PLEKHH3: variants seen among roughly 807,000 people sequenced by gnomAD.
PLEKHH3 encodes the protein pleckstrin homology, MyTH4 and FERM domain containing H3.
Under a neutral mutation model 77.8 loss-of-function variants are expected in PLEKHH3, and 57 were observed. The ratio of observed to expected loss-of-function variants is 0.73; its 90% CI spans 0.59 to 0.91. PLEKHH3 has a LOEUF of 0.91. Among genes scored for constraint, PLEKHH3 ranks in the 40% least tolerant of loss-of-function variants. The pLI is 0.00. For synonymous variants in PLEKHH3, 467 were observed against 504.8 expected, an observed-to-expected ratio of 0.93 and a Z score of 1.00; for missense variants, 1,082 against 1,091.2, an observed-to-expected ratio of 0.99 and a Z score of 0.12.
Position 42,673,669 on chromosome 17 carries a change from C to T in PLEKHH3, c.464G>A (p.Gly155Asp). ...LVLTSLCSVT[G>D]PERRRKETGL... ...TGTCTCCTTACGCCTGCGCTCTGGG[C>T]CGGTCACCGAGCACAGGCTGGTGAG... Residue 155 changes from glycine to aspartate, a missense_variant, in exon 4 of 13, where the codon GGC becomes GAC. This residue lies in a region of PLEKHH3 where 344 missense variants were observed against 320.8 expected (regional missense o/e 1.07). Transcript: ENST00000591022. 6.2e-7 allele frequency: 1 copy of T among 1,602,508 alleles called. No homozygotes were observed. Among genetic ancestry groups the T allele is most frequent in the East Asian group, 2.2e-5 (1 of 44,860 alleles).
chr17:42,670,469 A>C, intron 10 of PLEKHH3, 93 bp from the exon 11 acceptor site: 2 of 1,516,972 alleles, frequency 1.3e-6, no homozygotes, highest in Non-Finnish European at 1.8e-6. Flanking sequence ...GGTTCCAGTC[A>C]AGCCTCCCGC....
In PLEKHH3 at chr17:42,676,173, C is replaced by G; in HGVS notation, c.162+229G>C. 1.5e-6 allele frequency: 2 copies of G among 1,377,726 alleles called. No homozygotes were observed. Among genetic ancestry groups the G allele is most frequent in the Non-Finnish European group, 1.9e-6 (2 of 1,062,440 alleles). The allele number at this position is 1,377,726 out of a possible 1,614,324, so 85.3% of individuals were successfully genotyped here. Reference sequence around the variant, plus strand: ...GCGTGACGCCTCCCCTGCCTCAGGGCCCCCAGCAGGTGGATAGCGCCCAGC... The same window carrying G: ...GCGTGACGCCTCCCCTGCCTCAGGGGCCCCAGCAGGTGGATAGCGCCCAGC... On this transcript the variant is annotated intron_variant, in intron 1 of 12. Coordinates refer to ENST00000591022, the MANE Select transcript of PLEKHH3 (RefSeq NM_024927.5). This position sits in a 1 kb window ranked among gnomAD's most constrained non-coding sequence, Gnocchi z 6.6.
At position 42,670,308 on chromosome 17, in the gene PLEKHH3, C is replaced by T. The variant is rs1382378462; in HGVS notation, c.1623G>A (p.Leu541=). The change falls in exon 11 of 13, where the codon CTG becomes CTA. Residue 541 remains leucine (L), a synonymous_variant. Transcript: ENST00000591022. The part of the protein sequence containing the change: ...PDDTLRALAA[L]RLQSLQRDFS... The stretch of plus-strand genomic sequence containing the variant: ...AGTCCCGCTGCAGGCTCTGCAGGCG[C>T]AGCGCCGCCAGGGCGCGCAGCGTGT... 7 of 1,377,718 alleles carry T rather than the reference C, an allele frequency of 5.1e-6. No homozygotes were observed. In the African/African-American group the frequency reaches 7.6e-5, roughly 15 times the overall value. 85.3% of individuals were successfully genotyped at this position (1,377,718 alleles called of 1,614,324 possible). A position where few individuals can be genotyped will look rare whatever the true frequency, so the allele number is the denominator to read the frequency against.
Position 42,676,191 on chromosome 17 carries a change from C to A in PLEKHH3, c.162+211G>T, listed in dbSNP as rs1008569096. 3 of 1,375,300 alleles carry A rather than the reference C, an allele frequency of 2.2e-6. No individual in the cohort carries two copies. The highest frequency in any genetic ancestry group is 2.8e-6 in the Non-Finnish European group (3 of 1,053,814). The allele number at this position is 1,375,300 out of a possible 1,614,324, so 85.2% of individuals were successfully genotyped here. ...CTCAGGGCCCCCAGCAGGTGGATAG[C>A]GCCCAGCCTGCAGCGGGAGGCCCAC... On this transcript the variant is annotated intron_variant, in intron 1 of 12. Coordinates refer to ENST00000591022, the MANE Select transcript of PLEKHH3 (RefSeq NM_024927.5). The surrounding 1 kb of genome is among the most constrained non-coding windows in gnomAD (Gnocchi z 6.6).
Position 42,672,386 on chromosome 17 carries a change from C to G in PLEKHH3, c.776G>C (p.Gly259Ala). 6.6e-7 allele frequency: 1 copy of G among 1,514,854 alleles called. No homozygotes were observed. The highest frequency in any genetic ancestry group is 8.8e-7 in the Non-Finnish European group (1 of 1,132,350). The allele number at this position is 1,514,854 out of a possible 1,614,324, so 93.8% of individuals were successfully genotyped here. ...LPYGVSAPGP[G>A]YAPLREEAVR... ...CGCCTCCTCGCGCAGGGGTGCATAGCCCGGACCTGTGGGAGGGTGGGGGCG... is the reference window on the plus strand; with the variant it reads ...CGCCTCCTCGCGCAGGGGTGCATAGGCCGGACCTGTGGGAGGGTGGGGGCG... Residue 259 changes from glycine (G) to alanine (A), a missense_variant, in exon 7 of 13, where the codon GGC becomes GCC. Gly to Ala is a moderately conservative substitution (Grantham distance 60, BLOSUM62 0). This residue lies in a region of PLEKHH3 where 733 missense variants were observed against 750.0 expected (regional missense o/e 0.98). Coordinates refer to ENST00000591022, the MANE Select transcript of PLEKHH3 (RefSeq NM_024927.5).
intron 12 of PLEKHH3, chr17:42,668,604 C>T (rs1046197952): frequency 3.2e-5 from 6 of 185,598 alleles, no homozygotes; most frequent in African/African-American, 1.4e-4. Flanking sequence ...ACTACAGGCG[C>T]CCGCCAACAC....
intron 1 of PLEKHH3, 125 bp from the exon 2 acceptor site, chr17:42,674,534 A>C: frequency 1.2e-6 from 1 of 809,364 alleles, no homozygotes. Context: ...TGGGGTCGTG[A>C]CTAGGGTGGA....
chr17:42,674,592 C>G (rs1305007038), intron 1 of PLEKHH3, 183 bp from the exon 2 acceptor site: 1 of 462,094 alleles, frequency 2.2e-6, no homozygotes, highest in African/African-American at 2.0e-5. Flanking sequence ...CTTAACAGGA[C>G]AAGCTCTTCA....
chr17:42,675,266 G>A (rs2052797655), intron 1 of PLEKHH3, among the ~76,000 whole-genome samples: 1 of 152,088 alleles, frequency 6.6e-6, no homozygotes, highest in African/African-American at 2.4e-5. Context: ...GAGGGGGCCA[G>A]GGACACCTGT....
chr17:42,670,047 A>C lies in PLEKHH3; in HGVS notation c.1884T>G (p.Ala628=), dbSNP rs756988505. The C allele has an allele frequency of 6.6e-7, 1 of 1,516,958 alleles. No homozygotes were observed. Among genetic ancestry groups the C allele is most frequent in the Non-Finnish European group, 8.8e-7 (1 of 1,141,576 alleles). The allele number at this position is 1,516,958 out of a possible 1,614,324, so 94.0% of individuals were successfully genotyped here. Residue 628 remains alanine, a synonymous_variant, in exon 11 of 13, where the codon GCT becomes GCG. Transcript: ENST00000591022. ...GCCGCTTCCAGCCGCCCAGCACGGC[A>C]GCTGCCGTGCCGGCGCCGCCTCCTC... The part of the protein sequence containing the change: ...REGGGGAGTA[A]AVLGGWKRLR...
intron 1 of PLEKHH3, 24 bp from the exon 2 acceptor site, chr17:42,674,433 C>A: frequency 6.4e-7 from 1 of 1,567,634 alleles, no homozygotes; most frequent in South Asian, 1.2e-5. Flanking sequence ...CGGGGAAGCC[C>A]TCAGGGTCAG....
rs1375907981 is a variant in PLEKHH3, at chr17:42,671,476, C to G, written c.1159G>C (p.Glu387Gln). The G allele has an allele frequency of 1.2e-6, 2 of 1,613,040 alleles. No individual in the cohort carries two copies. The highest frequency in any genetic ancestry group is 1.3e-5 in the African/African-American group (1 of 74,944). The change falls in exon 8 of 13, where the codon GAG becomes CAG. Residue 387 changes from glutamate (E) to glutamine (Q), a missense_variant. By Grantham distance (29) the Glu-to-Gln change is conservative. This residue lies in a region of PLEKHH3 where 733 missense variants were observed against 750.0 expected (regional missense o/e 0.98). Transcript: ENST00000591022. This position sits in a 1 kb window ranked among gnomAD's most constrained non-coding sequence, Gnocchi z 4.7. ...RKALGRTRGRELVPSLAEISA... is the reference protein window; with the variant it reads ...RKALGRTRGRQLVPSLAEISA... ...ATCTCCGCCAGCGAGGGCACCAGCT[C>G]TCTGCCGCGCGTCCGGCCCAGCGCT...
At chr17:42,674,759 T>A (rs1354851890) in intron 1 of PLEKHH3, 3 of 262,656 alleles carry the variant, frequency 1.1e-5, no homozygotes, top group African/African-American at 6.6e-5. Context: ...CTTGGGCAAG[T>A]CTCTTCCCGT....
In PLEKHH3 at chr17:42,669,443, A is replaced by G; in HGVS notation, c.2192T>C (p.Leu731Pro). Residue 731 changes from leucine to proline, a missense_variant, in exon 12 of 13, where the codon CTG becomes CCG. Leu to Pro is a moderately conservative substitution (Grantham distance 98). Around this residue, in one of 3 missense-constraint regions of PLEKHH3, gnomAD observed 733 missense variants for 750.0 expected, o/e 0.98. Coordinates refer to ENST00000591022, the MANE Select transcript of PLEKHH3 (RefSeq NM_024927.5). ...ALRVGESQLL[L>P]QSPQVEEIMQ... ...CTTCTCACTCACCTGGGGGCTCTGC[A>G]GGAGGAGCTGGCTCTCTCCCACCCT... 4 of 1,547,444 alleles carry G rather than the reference A, an allele frequency of 2.6e-6. No individual in the cohort carries two copies. The highest frequency in any genetic ancestry group is 3.5e-6 in the Non-Finnish European group (4 of 1,142,420).
chr17:42,670,841 ACTGCAAACCTGCGGCGGGCAGGTCCGT>A, intron 9 of PLEKHH3, 126 bp downstream of exon 9: 1 of 1,518,388 alleles, frequency 6.6e-7, no homozygotes, highest in Non-Finnish European at 8.9e-7. Flanking sequence ...CTGCAGTCGG[ACTGCAAACCTGCGGCGGGCAGGTCCGT>A]CTGTAAACCA....
chr17:42,669,818 G>T (rs1049362143), intron 11 of PLEKHH3, 100 bp downstream of exon 11: 3 of 1,553,874 alleles, frequency 1.9e-6, no homozygotes, highest in Non-Finnish European at 2.6e-6. Context: ...TAGCTGTTCT[G>T]GATGTGGGGA....
chr17:42,669,896 C>T, intron 11 of PLEKHH3, 22 bp downstream of exon 11: 4 of 1,612,578 alleles, frequency 2.5e-6, no homozygotes, highest in Non-Finnish European at 3.4e-6. Flanking sequence ...GCCAGAGTCC[C>T]CTTCTCCCTT....
Position 42,676,644 on chromosome 17 carries a change from C to A in PLEKHH3, c.-81G>T. ...TCGGAGGAACTGGCGGGGCTCCGACCCGAGCAGGGGAAAGATGAGGTGGGA... is the reference window on the plus strand; with the variant it reads ...TCGGAGGAACTGGCGGGGCTCCGACACGAGCAGGGGAAAGATGAGGTGGGA... On this transcript the variant is annotated 5_prime_UTR_variant, in exon 1 of 13. Transcript: ENST00000591022. This position sits in a 1 kb window ranked among gnomAD's most constrained non-coding sequence, Gnocchi z 6.6. 1 of 1,357,230 alleles carries A rather than the reference C, an allele frequency of 7.4e-7. No homozygotes were observed. Among genetic ancestry groups the A allele is most frequent in the Admixed American group, 2.0e-5 (1 of 50,028 alleles). 84.1% of individuals were successfully genotyped at this position (1,357,230 alleles called of 1,614,324 possible).
intron 11 of PLEKHH3, 125 bp from the exon 12 acceptor site, chr17:42,669,746 G>C (rs1380239097): frequency 6.8e-7 from 1 of 1,462,392 alleles, no homozygotes; most frequent in Non-Finnish European, 9.3e-7. Context: ...GTGTGTGGAG[G>C]GGGCTGAGGC....
Sources: gnomAD v4.1 joint callset for allele counts (sites outside exome capture counted in the v4.1 genomes callset) on GRCh38, gnomAD v4.1.1 for gene constraint, gnomAD v4.1.1 regional missense constraint, Gnocchi (gnomAD v3.1) non-coding constraint, MANE v1.5 for transcripts, NCBI Gene and HGNC (gene_info 2026-07-23, HGNC 2026-07-21) for gene names.